Variants in ZSWIM6 observed in about 807,000 individuals in gnomAD.
The protein encoded by ZSWIM6 is zinc finger SWIM domain-containing protein 6.
In ZSWIM6, 9 loss-of-function variants were observed where a neutral mutation model predicts 113.2. The observed-to-expected ratio is 0.08, with a 90% CI of 0.05 to 0.14. The LOEUF (loss-of-function observed/expected upper bound fraction) is 0.14, where lower values mean the gene tolerates loss of function less well. ZSWIM6 is among the 10% of genes least tolerant of loss of function. The pLI is 1.00. For synonymous variants in ZSWIM6, 611 were observed against 606.5 expected (o/e 1.01, Z -0.11); for missense variants, 1,162 against 1,552.2 (o/e 0.75, Z 4.22).
In ZSWIM6 at chr5:61,472,088, G is replaced by A. The variant is rs1447322210; in HGVS notation, c.677-593G>A. Among the ~76,000 whole-genome samples, 2 of 152,156 alleles carry A rather than the reference G, an allele frequency of 1.3e-5. No individual in the cohort carries two copies. Among genetic ancestry groups the A allele is most frequent in the Non-Finnish European group, 2.9e-5 (2 of 68,024 alleles). On this transcript the variant is annotated intron_variant, in intron 1 of 13. Coordinates refer to ENST00000252744, the MANE Select transcript of ZSWIM6 (RefSeq NM_020928.2). The surrounding 1 kb of genome is among the most constrained non-coding windows in gnomAD (Gnocchi z 4.1). ...TAAGCAGTTGCTGCTCATAGACATT[G>A]CTGTATTGGGGTATACATTATGCAT...
chr5:61,374,297 T>C (rs1745323632), intron 1 of ZSWIM6, among the ~76,000 whole-genome samples: 1 of 152,222 alleles, frequency 6.6e-6, no homozygotes, highest in African/African-American at 2.4e-5. Context: ...CGCCATAGAA[T>C]TGTTTCTTAT....
At chr5:61,437,104 A>G (rs1335176431) in intron 1 of ZSWIM6, among the ~76,000 whole-genome samples, 1 of 152,152 alleles carries the variant, frequency 6.6e-6, no homozygotes, top group Non-Finnish European at 1.5e-5. Flanking sequence ...GTTCTGCAAC[A>G]TAAGGGAAAG....
At chr5:61,391,220 C>T (rs1745702120) in intron 1 of ZSWIM6, 10 of 894,028 alleles carry the variant, frequency 1.1e-5, no homozygotes, top group Middle Eastern at 6.5e-4. Flanking sequence ...CTGATGACGT[C>T]GATCATCTTG....
Position 61,526,340 on chromosome 5 carries a change from A to G in ZSWIM6, c.1781A>G (p.Asn594Ser), listed in dbSNP as rs1257102056. The change falls in exon 7 of 14, where the codon AAT (asparagine) becomes AGT (serine). Residue 594 changes from asparagine (N) to serine (S), a missense_variant. Asn to Ser is a conservative substitution (Grantham distance 46). Coordinates refer to ENST00000252744, the MANE Select transcript of ZSWIM6 (RefSeq NM_020928.2). ...CTGAGACTAGCAATAGCTATTGTTA[A>G]TACATTAAGACGACAGCAGCAGAAA... ...EALRLAIAIV[N>S]TLRRQQQKQL... is the part of the protein sequence containing the mutation. 7 of 1,552,230 alleles carry G rather than the reference A, an allele frequency of 4.5e-6. No homozygotes were observed. In the African/African-American group the frequency reaches 5.5e-5, roughly 12 times the overall value.
chr5:61,396,119 CAGCACTGCTA>C (rs1431031263), intron 1 of ZSWIM6, among the ~76,000 whole-genome samples: 4 of 152,166 alleles, frequency 2.6e-5, no homozygotes, highest in Admixed American at 2.6e-4. Flanking sequence ...CTACTTACAC[CAGCACTGCTA>C]GCTGTGGGCT....
At chr5:61,352,129 T>G (rs1744797429) in intron 1 of ZSWIM6, among the ~76,000 whole-genome samples, 1 of 152,214 alleles carries the variant, frequency 6.6e-6, no homozygotes, top group Non-Finnish European at 1.5e-5. Context: ...TAGGCTGCCC[T>G]GCTACCTGCC....
Position 61,340,228 on chromosome 5 carries a change from T to C in ZSWIM6, c.676+7280T>C, listed in dbSNP as rs867972096. Among the ~76,000 whole-genome samples the C allele has an allele frequency of 2.0e-5, 3 of 152,286 alleles. No homozygotes were observed. In the Middle Eastern group the frequency reaches 0.01, roughly 518 times the overall value. On this transcript the variant is annotated intron_variant, in intron 1 of 13. Transcript: ENST00000252744. ...TTCCTTGTCATTTTGAACTTTCAGCTGACTGAAAGATTGACTTTCAGCTGA... is the reference window on the plus strand; with the variant it reads ...TTCCTTGTCATTTTGAACTTTCAGCCGACTGAAAGATTGACTTTCAGCTGA...
rs369181851 is a variant in ZSWIM6, at chr5:61,380,263, A to G, written c.676+47315A>G. ...GCTAATTTTTGTATTTTTAGTAGAG[A>G]CGGGGTTTCGCCCTGTTGGCCAGGC... On this transcript the variant is annotated intron_variant, in intron 1 of 13. Coordinates refer to ENST00000252744, the MANE Select transcript of ZSWIM6 (RefSeq NM_020928.2). Among the ~76,000 whole-genome samples the G allele has an allele frequency of 1.9e-3, 296 of 152,024 alleles. 1 individual carries two copies. Among genetic ancestry groups the G allele is most frequent in the African/African-American group, 6.6e-3 (273 of 41,432 alleles).
chr5:61,366,963 C>A (rs1249388766), intron 1 of ZSWIM6, among the ~76,000 whole-genome samples: 1 of 149,420 alleles, frequency 6.7e-6, no homozygotes. Context: ...AAGGCAATGC[C>A]TTATATACAG....
intron 1 of ZSWIM6, among the ~76,000 whole-genome samples, chr5:61,445,904 T>G (rs1384278296): frequency 6.6e-6 from 1 of 152,208 alleles, no homozygotes; most frequent in African/African-American, 2.4e-5. Context: ...GTATGCAAAT[T>G]AATGTATTTA....
chr5:61,427,521 T>C (rs1746486479), intron 1 of ZSWIM6, among the ~76,000 whole-genome samples: 1 of 152,160 alleles, frequency 6.6e-6, no homozygotes, highest in Non-Finnish European at 1.5e-5. Context: ...CTCTGTCACC[T>C]AGGCTGGAGT....
At position 61,414,457 on chromosome 5, in the gene ZSWIM6, A is replaced by G. The variant is rs544403474; in HGVS notation, c.677-58224A>G. ...TGGACCTGAGTCTGAGCTATGCAGT[A>G]GAGAGGTCAGGTAAATAGCATGGCT... On this transcript the variant is annotated intron_variant, in intron 1 of 13. Transcript: ENST00000252744. Among the ~76,000 whole-genome samples, 98 of 152,334 alleles carry G rather than the reference A, an allele frequency of 6.4e-4. No homozygotes were observed. In the Middle Eastern group the frequency reaches 0.01, roughly 16 times the overall value.
At chr5:61,348,435 C>G (rs140182765) in intron 1 of ZSWIM6, among the ~76,000 whole-genome samples, 2,333 of 152,168 alleles carry the variant, frequency 0.015, 25 homozygotes, top group Non-Finnish European at 0.026. Flanking sequence ...ATTTAATATT[C>G]TTGTATAAAA....
chr5:61,397,640 A>T (rs755245628), intron 1 of ZSWIM6, among the ~76,000 whole-genome samples: 5 of 152,218 alleles, frequency 3.3e-5, no homozygotes, highest in Non-Finnish European at 7.3e-5. Context: ...GAAAATTATA[A>T]TCAAACATAC....
chr5:61,511,222 A>C (rs1452877609), intron 4 of ZSWIM6, among the ~76,000 whole-genome samples: 1 of 152,138 alleles, frequency 6.6e-6, no homozygotes, highest in Non-Finnish European at 1.5e-5. Flanking sequence ...AGAATGTTGC[A>C]AGCAAATTAA....
chr5:61,347,280 A>C (rs1744677823), intron 1 of ZSWIM6: 1 of 178,292 alleles, frequency 5.6e-6, no homozygotes, highest in African/African-American at 2.4e-5. Context: ...TTATGGTGGC[A>C]TCACCATTGG....
intron 1 of ZSWIM6, among the ~76,000 whole-genome samples, chr5:61,425,612 G>T (rs775376228): frequency 3.3e-5 from 5 of 152,186 alleles, no homozygotes; most frequent in Admixed American, 6.5e-5. Flanking sequence ...TGTATAAGGA[G>T]CATAAGGAGT....
intron 1 of ZSWIM6, among the ~76,000 whole-genome samples, chr5:61,334,059 CAAACA>C (rs1744331995): frequency 6.6e-6 from 1 of 152,174 alleles, no homozygotes; most frequent in African/African-American, 2.4e-5. Context: ...AAGGAGAAAC[CAAACA>C]AAAGAGTCTC....
At chr5:61,362,561 A>G (rs909242964) in intron 1 of ZSWIM6, among the ~76,000 whole-genome samples, 25 of 152,234 alleles carry the variant, frequency 1.6e-4, no homozygotes, top group Admixed American at 2.6e-4. Context: ...GCCTCAGCTC[A>G]TGATTTTCCT....
Sources: allele counts gnomAD v4.1 joint callset (sites outside exome capture counted in the v4.1 genomes callset), GRCh38; gene constraint gnomAD v4.1.1; non-coding constraint Gnocchi (gnomAD v3.1); transcripts MANE v1.5; gene names NCBI Gene and HGNC (gene_info 2026-07-23, HGNC 2026-07-21).